ITIH4: variants seen among roughly 807,000 people sequenced by gnomAD.
ITIH4 encodes the protein inter-alpha-trypsin inhibitor heavy chain H4.
A neutral mutation model predicts 111.8 loss-of-function variants in ITIH4; 79 were observed. That is an observed-to-expected ratio of 0.71 (90% confidence interval 0.59 to 0.85). The LOEUF (loss-of-function observed/expected upper bound fraction) is 0.85, where lower values mean the gene tolerates loss of function less well. ITIH4 is among the 40% of genes least tolerant of loss of function. The pLI, the probability that ITIH4 is intolerant of heterozygous loss-of-function variation, is 0.00. For missense variants in ITIH4, 1,065 were observed against 1,195.8 expected (o/e 0.89, Z 1.61); for synonymous variants, 472 against 468.3 (o/e 1.01, Z -0.10).
At chr3:52,820,577 C>T (rs538030927) in intron 13 of ITIH4, 54 bp downstream of exon 13, 91 of 1,555,680 alleles carry the variant, frequency 5.8e-5, no homozygotes, top group South Asian at 8.5e-5. Context: ...TCGGGGAGAA[C>T]GCTGGGTCCA....
At chr3:52,825,206 A>T in intron 6 of ITIH4, 1 of 315,376 alleles carries the variant, frequency 3.2e-6, no homozygotes, top group Non-Finnish European at 5.8e-6. Flanking sequence ...TTGTTTTAGT[A>T]TTTCAGATGG....
chr3:52,825,837 G>A (rs202071485), intron 6 of ITIH4, 49 bp downstream of exon 6: 2 of 1,579,984 alleles, frequency 1.3e-6, no homozygotes, highest in African/African-American at 2.7e-5. Flanking sequence ...AGGCCCTTGG[G>A]GGTGGACAGA....
chr3:52,823,239 A>T (rs777172986), intron 11 of ITIH4: 26 of 271,070 alleles, frequency 9.6e-5, no homozygotes, highest in Non-Finnish European at 1.5e-4. Flanking sequence ...CTCATTTGTG[A>T]AATAGGAGCA....
chr3:52,824,011 C>G lies in ITIH4; in HGVS notation c.1172-7G>C, dbSNP rs1700440549. ...CTCCTGGGGTTAGTCTCCCCTGGAC[C>G]CAGGGGTTTGGGATGAGGGTGAGAA... On this transcript the variant is annotated splice_polypyrimidine_tract_variant and splice_region_variant and intron_variant, in intron 9 of 23. Coordinates refer to ENST00000266041, the MANE Select transcript of ITIH4 (RefSeq NM_002218.5). This position sits in a 1 kb window ranked among gnomAD's most constrained non-coding sequence, Gnocchi z 4.3. The G allele has an allele frequency of 6.4e-7, 1 of 1,551,212 alleles. No homozygotes were observed. The highest frequency in any genetic ancestry group is 8.7e-7 in the Non-Finnish European group (1 of 1,149,362).
At chr3:52,822,618 A>G (rs1002666301) in intron 11 of ITIH4, among the ~76,000 whole-genome samples, 6 of 152,234 alleles carry the variant, frequency 3.9e-5, no homozygotes, top group African/African-American at 9.6e-5. Context: ...CAGTAGATGG[A>G]GGTTAAGTGA....
At position 52,819,810 on chromosome 3, in the gene ITIH4, G is replaced by C; in HGVS notation, c.1913-18C>G. The C allele has an allele frequency of 6.2e-7, 1 of 1,613,922 alleles. No individual in the cohort carries two copies. Among genetic ancestry groups the C allele is most frequent in the East Asian group, 2.2e-5 (1 of 44,868 alleles). On this transcript the variant is annotated intron_variant, in intron 15 of 23. Transcript: ENST00000266041. ...GGAAGCCTCTGTGTGGTCAAGTCCTGATCAGATACAACTGAACTGAGGCCC... is the reference window on the plus strand; with the variant it reads ...GGAAGCCTCTGTGTGGTCAAGTCCTCATCAGATACAACTGAACTGAGGCCC...
At chr3:52,818,703 G>T (rs139739758) in intron 17 of ITIH4, 167 bp from the exon 18 acceptor site, 1 of 643,868 alleles carries the variant, frequency 1.6e-6, no homozygotes, top group East Asian at 2.8e-5. Flanking sequence ...ATGCTGTCAG[G>T]GATAGGTCCA....
At chr3:52,821,614 A>G (rs1302928278) in intron 11 of ITIH4, among the ~76,000 whole-genome samples, 1 of 152,102 alleles carries the variant, frequency 6.6e-6, no homozygotes, top group Admixed American at 6.5e-5. Context: ...TTGGGGCCCC[A>G]TCCACCCCAA....
rs547916655 is a variant in ITIH4, at chr3:52,818,704, G to A, written c.2078-168C>T. 6.2e-6 allele frequency: 4 copies of A among 641,770 alleles called. No individual in the cohort carries two copies. In the East Asian group the frequency reaches 1.1e-4, roughly 18 times the overall value. The allele number at this position is 641,770 out of a possible 1,614,324, so 39.8% of individuals were successfully genotyped here. ...TCAAACAGAAGAGCATGCTGTCAGG[G>A]ATAGGTCCAGCCTGGCTGTGCAGCT... On this transcript the variant is annotated intron_variant, in intron 17 of 23. Transcript: ENST00000266041.
At position 52,824,401 on chromosome 3, in the gene ITIH4, C is replaced by T. The variant is rs777854284; in HGVS notation, c.1041G>A (p.Leu347=). The T allele has an allele frequency of 6.2e-7, 1 of 1,614,104 alleles. No homozygotes were observed. Among genetic ancestry groups the T allele is most frequent in the East Asian group, 2.2e-5 (1 of 44,882 alleles). ...ARSFAAGIQA[L]GGTNINDAML... is the part of the protein sequence containing the mutation. ...CAGGGCCACAGAGACACTTACCTCC[C>T]AGGGCCTGGATGCCCGCAGCAAAGC... The change falls in exon 8 of 24, where the codon CTG becomes CTA. Residue 347 remains leucine (L), a synonymous_variant. Coordinates refer to ENST00000266041, the MANE Select transcript of ITIH4 (RefSeq NM_002218.5). This position sits in a 1 kb window ranked among gnomAD's most constrained non-coding sequence, Gnocchi z 4.3.
At chr3:52,818,771 G>C (rs1700323598) in intron 17 of ITIH4, 1 of 559,554 alleles carries the variant, frequency 1.8e-6, no homozygotes, top group Non-Finnish European at 3.2e-6. Flanking sequence ...CAGTTCAAGG[G>C]ACCTCTGTTG....
At chr3:52,825,170 A>ACT (rs2154111576) in intron 6 of ITIH4, 1 of 382,796 alleles carries the variant, frequency 2.6e-6, no homozygotes, top group South Asian at 1.1e-4. Context: ...GCCCACCAGA[A>ACT]CTCTCCCTGC....
At chr3:52,827,528 C>T (rs1320631119) in intron 2 of ITIH4, among the ~76,000 whole-genome samples, 1 of 152,236 alleles carries the variant, frequency 6.6e-6, no homozygotes, top group Non-Finnish European at 1.5e-5. Context: ...CCGAAGCTGG[C>T]CCACATTCCC....
intron 17 of ITIH4, 200 bp from the exon 18 acceptor site, chr3:52,818,736 G>A: frequency 1.7e-6 from 1 of 593,850 alleles, no homozygotes; most frequent in South Asian, 2.0e-5. Context: ...AGCTGCATTC[G>A]AGTGCAGATT....
chr3:52,816,412 A>G (rs2154111156), intron 21 of ITIH4, among the ~76,000 whole-genome samples: 1 of 152,324 alleles, frequency 6.6e-6, no homozygotes, highest in African/African-American at 2.4e-5. Context: ...CCAGCTTCTC[A>G]CTATTGTCAT....
At chr3:52,818,580 G>C (rs1311745339) in intron 17 of ITIH4, 44 bp from the exon 18 acceptor site, 1 of 1,536,982 alleles carries the variant, frequency 6.5e-7, no homozygotes, top group East Asian at 2.4e-5. Context: ...CAGGAAGGCA[G>C]TCAGGAGGCG....
intron 21 of ITIH4, 66 bp from the exon 22 acceptor site, chr3:52,814,429 G>A: frequency 7.0e-7 from 1 of 1,430,828 alleles, no homozygotes; most frequent in Admixed American, 1.7e-5. Context: ...CAGTAGTCAG[G>A]GTGGGGAGTG....
Position 52,813,376 on chromosome 3 carries a change from G to A in ITIH4, c.*45C>T. 6.4e-7 allele frequency: 1 copy of A among 1,571,226 alleles called. No homozygotes were observed. Among genetic ancestry groups the A allele is most frequent in the South Asian group, 1.1e-5 (1 of 90,200 alleles). ...CCCAGAAGCGGCCCTGCAGTTGCAGGGGGAAGCCAAGTGTACAGGGTGGGC... is the reference window on the plus strand; with the variant it reads ...CCCAGAAGCGGCCCTGCAGTTGCAGAGGGAAGCCAAGTGTACAGGGTGGGC... On this transcript the variant is annotated 3_prime_UTR_variant, in exon 24 of 24. Coordinates refer to ENST00000266041, the MANE Select transcript of ITIH4 (RefSeq NM_002218.5).
At position 52,821,119 on chromosome 3, in the gene ITIH4, G is replaced by A. The variant is rs1161953185; in HGVS notation, c.1551C>T (p.Asn517=). 2.5e-6 allele frequency: 4 copies of A among 1,613,342 alleles called. No homozygotes were observed. Among genetic ancestry groups the A allele is most frequent in the Non-Finnish European group, 3.4e-6 (4 of 1,180,024 alleles). Residue 517 remains asparagine (N), a synonymous_variant, in exon 12 of 24, where the codon AAC becomes AAT. Transcript: ENST00000266041. ...ATVSGKLPTQ[N]ITFQTESSVA... ...CACTGGACTCCGTTTGGAAAGTGATGTTCTGTGTAGGCTGGAAAGAGGGGC... is the reference window on the plus strand; with the variant it reads ...CACTGGACTCCGTTTGGAAAGTGATATTCTGTGTAGGCTGGAAAGAGGGGC...
Sources: gnomAD v4.1 joint callset for allele counts (sites outside exome capture counted in the v4.1 genomes callset) on GRCh38, gnomAD v4.1.1 for gene constraint, Gnocchi (gnomAD v3.1) non-coding constraint, MANE v1.5 for transcripts, NCBI Gene and HGNC (gene_info 2026-07-23, HGNC 2026-07-21) for gene names.